The following AXIN1 variants were observed in gnomAD, a reference collection of about 807,000 sequenced individuals.
AXIN1 encodes axin-1.
A neutral mutation model predicts 76.4 loss-of-function variants in AXIN1; 30 were observed. The ratio of observed to expected loss-of-function variants is 0.39; its 90% CI spans 0.29 to 0.53. The LOEUF (loss-of-function observed/expected upper bound fraction) is 0.53, where lower values mean the gene tolerates loss of function less well. Ranked by LOEUF, AXIN1 falls within the 20% of genes least tolerant of loss-of-function variation. AXIN1 has a pLI of 0.66. For missense variants in AXIN1, 1,140 were observed against 1,198.8 expected (o/e 0.95, Z 0.72); for synonymous variants, 545 against 501.4 (o/e 1.09, Z -1.16).
At chr16:299,211 G>A (rs2052801373) in intron 5 of AXIN1, 1 of 985,318 alleles carries the variant, frequency 1.0e-6, no homozygotes, top group Non-Finnish European at 1.2e-6. Flanking sequence ...TTATCTGTCA[G>A]AGCAAACATT....
In AXIN1 at chr16:338,250, C is replaced by G. The variant is rs920867005; in HGVS notation, c.878+7898G>C. On this transcript the variant is annotated intron_variant, in intron 2 of 10. Coordinates refer to ENST00000262320, the MANE Select transcript of AXIN1 (RefSeq NM_003502.4). The stretch of plus-strand genomic sequence containing the variant: ...CACTGGCGCAAAATGTGAGAATGGG[C>G]TGGGGTGCCAGGCGGCCAGTCACGG... 1.3e-5 allele frequency among the ~76,000 whole-genome samples: 2 copies of G among 152,220 alleles called. 1 individual carries two copies. The highest frequency in any genetic ancestry group is 4.1e-4 in the South Asian group (2 of 4,834).
intron 2 of AXIN1, among the ~76,000 whole-genome samples, chr16:327,618 G>C (rs1423250830): frequency 6.6e-6 from 1 of 152,312 alleles, no homozygotes; most frequent in South Asian, 2.1e-4. Flanking sequence ...CAGCACAGGC[G>C]GGGCAGCCCT....
chr16:299,104 C>T (rs1451554546), intron 5 of AXIN1: 1 of 985,410 alleles, frequency 1.0e-6, no homozygotes, highest in Middle Eastern at 5.2e-4. Flanking sequence ...TACAGAACGG[C>T]TCTTGGGTTA....
intron 9 of AXIN1, 108 bp downstream of exon 9, chr16:291,082 C>T (rs912037171): frequency 8.7e-6 from 9 of 1,028,888 alleles, no homozygotes; most frequent in African/African-American, 4.8e-5. Flanking sequence ...TGCTTCTGAG[C>T]GTGGTACCCG....
chr16:321,232 G>A (rs2053450630), intron 2 of AXIN1, among the ~76,000 whole-genome samples: 1 of 151,392 alleles, frequency 6.6e-6, no homozygotes, highest in East Asian at 1.9e-4. Flanking sequence ...CCAGGCAGGA[G>A]CCGCCACCCT....
At chr16:299,198 A>G in intron 5 of AXIN1, 3 of 985,448 alleles carry the variant, frequency 3.0e-6, no homozygotes, top group Non-Finnish European at 3.6e-6. Flanking sequence ...CAGGTGCTGA[A>G]GCTTATCTGT....
At chr16:338,785 T>C (rs2053856440) in intron 2 of AXIN1, among the ~76,000 whole-genome samples, 1 of 151,834 alleles carries the variant, frequency 6.6e-6, no homozygotes, top group African/African-American at 2.4e-5. Flanking sequence ...TAGCCAGGAG[T>C]GGGGGCATGC....
chr16:332,663 C>CAAAA (rs34523667), intron 2 of AXIN1, among the ~76,000 whole-genome samples: 1 of 113,776 alleles, frequency 8.8e-6, no homozygotes, highest in African/African-American at 3.1e-5. Context: ...TGATCTAAAC[C>CAAAA]AAAAAAAAAA....
chr16:309,933 G>T (rs2141572054), intron 4 of AXIN1, 40 bp downstream of exon 4: 1 of 1,595,608 alleles, frequency 6.3e-7, no homozygotes, highest in Non-Finnish European at 8.6e-7. Flanking sequence ...ACGCTGAGCG[G>T]GGAGGACGAT....
chr16:342,920 C>T (rs578089007), intron 2 of AXIN1, among the ~76,000 whole-genome samples: 165 of 152,306 alleles, frequency 1.1e-3, no homozygotes, highest in African/African-American at 3.9e-3. Flanking sequence ...TGGGTTTCCA[C>T]GACTTCCAAC....
intron 2 of AXIN1, among the ~76,000 whole-genome samples, chr16:320,332 C>T (rs2053410954): frequency 6.6e-6 from 1 of 152,144 alleles, no homozygotes; most frequent in Non-Finnish European, 1.5e-5. Flanking sequence ...AGGCATGAGC[C>T]ATCATGCCTG....
At chr16:309,230 T>G (rs1228708507) in intron 4 of AXIN1, among the ~76,000 whole-genome samples, 1 of 151,700 alleles carries the variant, frequency 6.6e-6, no homozygotes, top group Non-Finnish European at 1.5e-5. Flanking sequence ...CTCGGGAGGC[T>G]GAGGCAGGAG....
At chr16:317,239 T>C (rs1242949594) in intron 2 of AXIN1, among the ~76,000 whole-genome samples, 1 of 152,174 alleles carries the variant, frequency 6.6e-6, no homozygotes, top group East Asian at 1.9e-4. Context: ...GAGCGAGCAC[T>C]GCGAGCTGGG....
chr16:302,540 G>T (rs1209565301), intron 5 of AXIN1, among the ~76,000 whole-genome samples: 4 of 152,198 alleles, frequency 2.6e-5, no homozygotes, highest in African/African-American at 4.8e-5. Context: ...GCTATGTAAG[G>T]TCTGCCTGCC....
At chr16:332,236 A>G (rs2053705618) in intron 2 of AXIN1, among the ~76,000 whole-genome samples, 1 of 152,218 alleles carries the variant, frequency 6.6e-6, no homozygotes, top group Admixed American at 6.5e-5. Context: ...CAGCAGCAAC[A>G]TCACAATCAC....
chr16:289,493 G>A lies in AXIN1; in HGVS notation c.2409C>T (p.Arg803=), dbSNP rs61753369. ...PIPYRTLVRG[R]AVTLGQFKEL... ...CCTTGAACTGGCCCAGGGTGACAGCGCGGCCCCTCACCAGGGTGCGGTAGG... is the reference window on the plus strand; with the variant it reads ...CCTTGAACTGGCCCAGGGTGACAGCACGGCCCCTCACCAGGGTGCGGTAGG... Residue 803 remains arginine (R), a synonymous_variant, in exon 10 of 11, where the codon CGC becomes CGT. Transcript: ENST00000262320. 2,566 of 1,612,952 alleles carry A rather than the reference G, an allele frequency of 1.6e-3. 23 individuals are homozygous for A. The African/African-American group carries it at 0.028, about 17-fold the overall frequency.
rs1228706539 is a variant in AXIN1 at position 297,724 on chromosome 16, G to A, written c.1782C>T (p.His594=). ...CTCACTGACAGGCGCACGCTCACCT[G>A]TGGGCGAGGCCATCACTGGCGTTGG... The part of the protein sequence containing the change: ...AAPNASDGLA[H]SGKVGVACKR... Residue 594 remains histidine (H), a splice_region_variant and synonymous_variant, in exon 6 of 11, where the codon CAC becomes CAT. Transcript: ENST00000262320. The A allele has an allele frequency of 2.5e-6, 4 of 1,597,614 alleles. No homozygotes were observed. The highest frequency in any genetic ancestry group is 3.4e-6 in the Non-Finnish European group (4 of 1,175,382).
In AXIN1 at chr16:298,120, T is replaced by G. The variant is rs1041058402; in HGVS notation, c.1386A>C (p.Ala462=). ...GGATGCTCTCAGGGTTCTCCTCGTGTGCATCCCGGAGCCCGGCACAGCCCA... is the reference window on the plus strand; with the variant it reads ...GGATGCTCTCAGGGTTCTCCTCGTGGGCATCCCGGAGCCCGGCACAGCCCA... ...VDMGCAGLRD[A]HEENPESILD... Residue 462 remains alanine (A), a synonymous_variant, in exon 6 of 11, where the codon GCA becomes GCC. Transcript: ENST00000262320. The G allele has an allele frequency of 6.5e-6, 10 of 1,545,776 alleles. No individual in the cohort carries two copies. The highest frequency in any genetic ancestry group is 7.8e-6 in the Non-Finnish European group (9 of 1,148,806).
At chr16:299,030 G>A (rs1259870051) in intron 5 of AXIN1, 2 of 962,828 alleles carry the variant, frequency 2.1e-6, no homozygotes, top group African/African-American at 3.5e-5. Context: ...GCCTCCCAAA[G>A]TGTTGGGATG....
Sources: gnomAD v4.1 joint callset for allele counts (sites outside exome capture counted in the v4.1 genomes callset) on GRCh38, gnomAD v4.1.1 for gene constraint, MANE v1.5 for transcripts, NCBI Gene and HGNC (gene_info 2026-07-23, HGNC 2026-07-21) for gene names.